Variants in ADAMTSL1 observed in about 807,000 individuals in gnomAD.
ADAMTSL1 encodes the protein ADAMTS-like protein 1.
A neutral mutation model predicts 201.8 loss-of-function variants in ADAMTSL1; 126 were observed. That is an observed-to-expected ratio of 0.62 (90% CI 0.54 to 0.72). The LOEUF is 0.72. Ranked by LOEUF, ADAMTSL1 falls within the 30% of genes least tolerant of loss-of-function variation. The pLI is 0.00. For synonymous variants in ADAMTSL1, 1,121 were observed against 903.4 expected (o/e 1.24, Z -4.32); for missense variants, 2,679 against 2,277.8 (o/e 1.18, Z -3.59).
intron 2 of ADAMTSL1, among the ~76,000 whole-genome samples, chr9:18,518,940 G>C (rs1035588708): frequency 3.3e-5 from 5 of 152,088 alleles, no homozygotes; most frequent in Non-Finnish European, 7.4e-5. Context: ...AAAAGTAAAA[G>C]AGGCATGGGT....
intron 1 of ADAMTSL1, among the ~76,000 whole-genome samples, chr9:18,162,752 A>T (rs1040224667): frequency 6.6e-6 from 1 of 152,050 alleles, no homozygotes; most frequent in African/African-American, 2.4e-5. Context: ...AAAAGGTATA[A>T]AATGCAAAAT....
chr9:18,337,939 G>C (rs1049854581), intron 2 of ADAMTSL1, among the ~76,000 whole-genome samples: 2 of 152,138 alleles, frequency 1.3e-5, no homozygotes, highest in South Asian at 2.1e-4. Context: ...AGGTTCTGCA[G>C]CTGTGATTGG....
chr9:18,725,669 C>G (rs1217307046), intron 15 of ADAMTSL1, among the ~76,000 whole-genome samples: 1 of 152,084 alleles, frequency 6.6e-6, no homozygotes, highest in Non-Finnish European at 1.5e-5. Context: ...TTCTTTAAAA[C>G]TCAAGCACAG....
chr9:18,443,223 C>T (rs1375099743), intron 2 of ADAMTSL1, among the ~76,000 whole-genome samples: 1 of 152,152 alleles, frequency 6.6e-6, no homozygotes, highest in Non-Finnish European at 1.5e-5. Flanking sequence ...TGGGTCAATA[C>T]TAAAGTTGTA....
At position 18,345,833 on chromosome 9, in the gene ADAMTSL1, T is replaced by C. The variant is rs569413852; in HGVS notation, c.208-158996T>C. On this transcript the variant is annotated intron_variant, in intron 2 of 29. Coordinates refer to the ADAMTSL1 transcript ENST00000680146. ...CAACACAGAACCCTGAGCTGCAGAA[T>C]TGGCCCCTTAGCATCCAGAAGACCA... is the stretch of plus-strand genomic sequence containing the variant. 2.0e-5 allele frequency among the ~76,000 whole-genome samples: 3 copies of C among 152,166 alleles called. No homozygotes were observed. In the South Asian group the frequency reaches 6.2e-4, roughly 32 times the overall value.
chr9:18,271,861 C>T (rs1368864212), intron 2 of ADAMTSL1, among the ~76,000 whole-genome samples: 210 of 151,610 alleles, frequency 1.4e-3, no homozygotes, highest in African/African-American at 4.2e-3. Context: ...CTTTAATGAT[C>T]GCCATTCTAA....
At chr9:18,049,214 G>C (rs1306252677) in intron 1 of ADAMTSL1, among the ~76,000 whole-genome samples, 3 of 152,114 alleles carry the variant, frequency 2.0e-5, no homozygotes, top group African/African-American at 7.2e-5. Flanking sequence ...CACATTCCCA[G>C]TTACCATGGG....
At chr9:18,184,076 C>T (rs1408474503) in intron 2 of ADAMTSL1, among the ~76,000 whole-genome samples, 1 of 152,126 alleles carries the variant, frequency 6.6e-6, no homozygotes, top group Non-Finnish European at 1.5e-5. Context: ...CAGATAATTC[C>T]GAAATGTAAC....
chr9:18,795,381 T>C lies in ADAMTSL1; in HGVS notation c.3678-16T>C. On this transcript the variant is annotated splice_polypyrimidine_tract_variant and intron_variant, in intron 19 of 28. Coordinates refer to ENST00000380548, the MANE Select transcript of ADAMTSL1 (RefSeq NM_001040272.6). ...ACTGACTTGACCAGGTCTATATTTC[T>C]TTTCTGTCGCTCCAGGATTCTTCTA... The C allele has an allele frequency of 6.2e-7, 1 of 1,613,594 alleles. No homozygotes were observed. Among genetic ancestry groups the C allele is most frequent in the Non-Finnish European group, 8.5e-7 (1 of 1,179,682 alleles).
intron 23 of ADAMTSL1, 79 bp downstream of exon 23, chr9:18,830,056 G>A (rs1225484019): frequency 3.3e-6 from 5 of 1,520,116 alleles, no homozygotes; most frequent in Admixed American, 2.0e-5. Context: ...TTTGCAGGTG[G>A]GAAGGAGGCA....
chr9:18,124,313 C>T (rs1260335284), intron 1 of ADAMTSL1, among the ~76,000 whole-genome samples: 3 of 151,928 alleles, frequency 2.0e-5, no homozygotes, highest in Non-Finnish European at 4.4e-5. Flanking sequence ...GATCTCTTGA[C>T]CTCGTGATCT....
intron 1 of ADAMTSL1, among the ~76,000 whole-genome samples, chr9:17,936,146 C>G (rs2840786): frequency 0.85 from 129,582 of 152,192 alleles, 55,367 homozygotes; most frequent in East Asian, 0.94. Flanking sequence ...TTGGGGCCAA[C>G]TGTGCATGTG....
chr9:18,812,072 A>G, intron 20 of ADAMTSL1, among the ~76,000 whole-genome samples: 1 of 152,208 alleles, frequency 6.6e-6, no homozygotes, highest in East Asian at 1.9e-4. Flanking sequence ...AATCTTACTA[A>G]TATTTTATAC....
chr9:18,217,856 T>C (rs1279651740), intron 2 of ADAMTSL1, among the ~76,000 whole-genome samples: 1 of 152,046 alleles, frequency 6.6e-6, no homozygotes, highest in Non-Finnish European at 1.5e-5. Context: ...GAAAGTTGTT[T>C]TTTTTTTTCT....
chr9:18,129,833 A>G (rs552666088), intron 1 of ADAMTSL1, among the ~76,000 whole-genome samples: 2 of 152,176 alleles, frequency 1.3e-5, no homozygotes, highest in Non-Finnish European at 2.9e-5. Context: ...GCCAACAAGG[A>G]AGTAGCCTGA....
At chr9:18,557,533 G>A (rs118066267) in intron 3 of ADAMTSL1, among the ~76,000 whole-genome samples, 2,987 of 152,038 alleles carry the variant, frequency 0.02, 38 homozygotes, top group Non-Finnish European at 0.03. Context: ...GTTGCATGCC[G>A]CCAGTAAAGG....
chr9:18,844,755 C>T (rs536093256), intron 23 of ADAMTSL1, among the ~76,000 whole-genome samples: 34 of 152,354 alleles, frequency 2.2e-4, no homozygotes, highest in African/African-American at 7.0e-4. Flanking sequence ...GGCGCCCCTC[C>T]CCCAGCCTTG....
intron 1 of ADAMTSL1, among the ~76,000 whole-genome samples, chr9:17,929,911 T>G (rs1826709295): frequency 6.6e-6 from 1 of 152,164 alleles, no homozygotes; most frequent in African/African-American, 2.4e-5. Flanking sequence ...AGGCCAGGGA[T>G]GGACTCACTC....
chr9:18,826,071 C>T, intron 21 of ADAMTSL1: 1 of 623,432 alleles, frequency 1.6e-6, no homozygotes, highest in South Asian at 2.0e-5. Context: ...TATCTTGTAT[C>T]AACATTTATT....
Sources: gnomAD v4.1 joint callset for allele counts (sites outside exome capture counted in the v4.1 genomes callset) on GRCh38, gnomAD v4.1.1 for gene constraint, MANE v1.5 for transcripts, NCBI Gene and HGNC (gene_info 2026-07-23, HGNC 2026-07-21) for gene names.